PRKG1: variants seen among roughly 807,000 people sequenced by gnomAD.
PRKG1 encodes protein kinase cGMP-dependent 1.
PRKG1 carries 35 observed loss-of-function variants against 88.1 expected under a neutral mutation model. The observed-to-expected ratio is 0.40, with a 90% CI of 0.30 to 0.53. The LOEUF is 0.53. Ranked by LOEUF, PRKG1 falls within the 20% of genes least tolerant of loss-of-function variation. The pLI is 0.59. For synonymous variants in PRKG1, 303 were observed against 292.5 expected (o/e 1.04, Z -0.37); for missense variants, 540 against 839.8 (o/e 0.64, Z 4.41).
chr10:51,116,228 T>G (rs1191186404), intron 1 of PRKG1, among the ~76,000 whole-genome samples: 2 of 152,212 alleles, frequency 1.3e-5, no homozygotes, highest in African/African-American at 4.8e-5. Flanking sequence ...CACGGTAGAC[T>G]GGCGGAACAT....
At chr10:51,574,190 C>T (rs1363363243) in intron 3 of PRKG1, among the ~76,000 whole-genome samples, 1 of 151,920 alleles carries the variant, frequency 6.6e-6, no homozygotes, top group Non-Finnish European at 1.5e-5. Flanking sequence ...GTGTGGCTCT[C>T]ATCTCTGATG....
intron 9 of PRKG1, among the ~76,000 whole-genome samples, chr10:52,218,075 G>A (rs1480349691): frequency 1.3e-5 from 2 of 151,848 alleles, no homozygotes; most frequent in Admixed American, 1.3e-4. Flanking sequence ...AGCTGGGCGT[G>A]GTGGCACACG....
At chr10:51,509,240 G>T (rs1564528159) in intron 3 of PRKG1, among the ~76,000 whole-genome samples, 2 of 152,144 alleles carry the variant, frequency 1.3e-5, no homozygotes, top group African/African-American at 4.8e-5. Context: ...ATGTATGCCT[G>T]TATATTAGGC....
At chr10:51,333,669 G>C (rs970099704) in intron 2 of PRKG1, among the ~76,000 whole-genome samples, 2 of 152,146 alleles carry the variant, frequency 1.3e-5, no homozygotes, top group Admixed American at 6.5e-5. Context: ...GTTTCTAAAG[G>C]TAATAGTACT....
chr10:52,022,267 G>T (rs1845205501), intron 5 of PRKG1, among the ~76,000 whole-genome samples: 1 of 152,148 alleles, frequency 6.6e-6, no homozygotes, highest in African/African-American at 2.4e-5. Context: ...AATACATTTT[G>T]ACTTACTCAA....
chr10:51,279,972 T>C (rs899246089), intron 2 of PRKG1, among the ~76,000 whole-genome samples: 2 of 152,340 alleles, frequency 1.3e-5, no homozygotes, highest in Admixed American at 1.3e-4. Flanking sequence ...CTAGCATCGA[T>C]GGCCTTTACA....
intron 3 of PRKG1, among the ~76,000 whole-genome samples, chr10:51,554,087 A>ATGTGTATATATTATTATATGTG (rs1837231808): frequency 7.6e-6 from 1 of 132,270 alleles, no homozygotes; most frequent in East Asian, 2.2e-4. Flanking sequence ...CGTATGTGAT[A>ATGTGTATATATTATTATATGTG]CGTGTATATA....
At chr10:51,749,742 C>A (rs1408769329) in intron 3 of PRKG1, among the ~76,000 whole-genome samples, 1 of 152,048 alleles carries the variant, frequency 6.6e-6, no homozygotes, top group Non-Finnish European at 1.5e-5. Flanking sequence ...TTCCCAACAT[C>A]TTTTGCTAGA....
At chr10:51,891,279 A>C (rs1441167894) in intron 4 of PRKG1, among the ~76,000 whole-genome samples, 1 of 152,138 alleles carries the variant, frequency 6.6e-6, no homozygotes, top group African/African-American at 2.4e-5. Flanking sequence ...ATAAATAAAT[A>C]ATACATAAAA....
intron 1 of PRKG1, among the ~76,000 whole-genome samples, chr10:51,112,554 A>G (rs1048704196): frequency 1.3e-5 from 2 of 152,138 alleles, no homozygotes; most frequent in African/African-American, 4.8e-5. Context: ...AACATTTGCC[A>G]GAAATGTTGC....
intron 4 of PRKG1, among the ~76,000 whole-genome samples, chr10:51,839,923 T>C (rs1840227621): frequency 6.6e-6 from 1 of 152,198 alleles, no homozygotes; most frequent in Non-Finnish European, 1.5e-5. Flanking sequence ...ATATCTAAGT[T>C]TAGTTTTTAA....
chr10:51,034,669 TATATA>T (rs200612919), intron 1 of PRKG1, among the ~76,000 whole-genome samples: 3,147 of 29,196 alleles, frequency 0.11, 271 homozygotes, highest in African/African-American at 0.18. Flanking sequence ...ATATGTTATT[TATATA>T]TATATATATA....
chr10:51,158,474 TA>T (rs894880104), intron 2 of PRKG1, among the ~76,000 whole-genome samples: 3 of 151,874 alleles, frequency 2.0e-5, no homozygotes, highest in Non-Finnish European at 4.4e-5. Context: ...ACCATGAGAT[TA>T]AAAAATGATC....
intron 3 of PRKG1, among the ~76,000 whole-genome samples, chr10:51,574,754 A>G (rs1296402188): frequency 1.3e-5 from 2 of 152,004 alleles, no homozygotes; most frequent in Non-Finnish European, 2.9e-5. Context: ...CACACAGTCA[A>G]TAAATACAAA....
chr10:52,151,722 A>T (rs1197709137), intron 8 of PRKG1, among the ~76,000 whole-genome samples: 2 of 152,208 alleles, frequency 1.3e-5, no homozygotes, highest in Non-Finnish European at 2.9e-5. Flanking sequence ...TTTAAGGAAA[A>T]GGAAACATAT....
At chr10:51,029,466 C>A (rs1214710081) in intron 1 of PRKG1, among the ~76,000 whole-genome samples, 1 of 152,140 alleles carries the variant, frequency 6.6e-6, no homozygotes, top group Non-Finnish European at 1.5e-5. Flanking sequence ...TCACCTCATC[C>A]ATTTCCTTTA....
chr10:51,709,985 T>TTA (rs1841704041), intron 3 of PRKG1, among the ~76,000 whole-genome samples: 2 of 152,208 alleles, frequency 1.3e-5, no homozygotes, highest in African/African-American at 4.8e-5. Flanking sequence ...ATGTTGAATT[T>TTA]TATATATATC....
chr10:51,303,080 G>A (rs1840935811), intron 2 of PRKG1, among the ~76,000 whole-genome samples: 1 of 152,068 alleles, frequency 6.6e-6, no homozygotes, highest in African/African-American at 2.4e-5. Flanking sequence ...TTTGAAAACT[G>A]GTTAAGATTG....
At chr10:51,942,999 G>T (rs1298020741) in intron 5 of PRKG1, among the ~76,000 whole-genome samples, 8 of 151,990 alleles carry the variant, frequency 5.3e-5, no homozygotes, top group African/African-American at 1.9e-4. Flanking sequence ...GCAAGTCATT[G>T]GTAGCTTGAT....
Sources: allele counts gnomAD v4.1 joint callset (sites outside exome capture counted in the v4.1 genomes callset), GRCh38; gene constraint gnomAD v4.1.1; transcripts MANE v1.5; gene names NCBI Gene and HGNC (gene_info 2026-07-23, HGNC 2026-07-21).